OR9Q1: variants seen among roughly 807,000 people sequenced by gnomAD.
The protein encoded by OR9Q1 is olfactory receptor family 9 subfamily Q member 1.
For missense variants in OR9Q1, 374 were observed against 378.8 expected (o/e 0.99, Z 0.11); for synonymous variants, 153 against 148.6 (o/e 1.03, Z -0.22).
At chr11:58,106,673 G>A (rs568663202) in intron 2 of OR9Q1, among the ~76,000 whole-genome samples, 2 of 152,216 alleles carry the variant, frequency 1.3e-5, no homozygotes, top group East Asian at 3.9e-4. Flanking sequence ...ATTTTTGTGT[G>A]TGCATAACGT....
Position 58,118,897 on chromosome 11 carries a change from G to A in OR9Q1, c.-14-60534G>A. 1.9e-6 allele frequency: 3 copies of A among 1,614,034 alleles called. No individual in the cohort carries two copies. In the South Asian group the frequency reaches 3.3e-5, roughly 18 times the overall value. ...GTCACTGCAGGCAAGCTTCAGCAGG[G>A]GTGGGAGGTCACAGAAGAAGAAGTT... On this transcript the variant is annotated intron_variant, in intron 2 of 2. Transcript: ENST00000335397.
chr11:58,113,885 A>G (rs949665739), intron 2 of OR9Q1, among the ~76,000 whole-genome samples: 5 of 152,222 alleles, frequency 3.3e-5, no homozygotes, highest in Admixed American at 1.3e-4. Flanking sequence ...CAAGCATAAT[A>G]TAATTATAGA....
intron 2 of OR9Q1, among the ~76,000 whole-genome samples, chr11:58,105,969 T>G (rs12420385): frequency 0.17 from 26,079 of 152,064 alleles, 2,358 homozygotes; most frequent in Non-Finnish European, 0.21. Context: ...TAAACTCTTT[T>G]GGATATATGT....
intron 2 of OR9Q1, among the ~76,000 whole-genome samples, chr11:58,061,723 T>C (rs139767563): frequency 1.3e-5 from 2 of 152,326 alleles, no homozygotes; most frequent in Non-Finnish European, 2.9e-5. Flanking sequence ...GCAAGGGCTA[T>C]TGCAAAATGC....
At chr11:58,036,526 ATCTGGACAAAGTAAATTCAAAATCT>A (rs1376300045) in intron 1 of OR9Q1, among the ~76,000 whole-genome samples, 6 of 152,188 alleles carry the variant, frequency 3.9e-5, no homozygotes, top group Non-Finnish European at 8.8e-5. Context: ...TCTCTGATGG[ATCTGGACAAAGTAAATTCAAAATCT>A]TCTGGAAAGG....
intron 1 of OR9Q1, among the ~76,000 whole-genome samples, chr11:58,038,057 T>G (rs930385362): frequency 2.0e-5 from 3 of 151,742 alleles, no homozygotes; most frequent in Non-Finnish European, 4.4e-5. Context: ...TGAGATAAAT[T>G]ACATAAAACG....
At chr11:58,120,159 T>C (rs575818696) in intron 2 of OR9Q1, among the ~76,000 whole-genome samples, 4 of 152,284 alleles carry the variant, frequency 2.6e-5, no homozygotes, top group Admixed American at 1.3e-4. Context: ...CTTCAACATA[T>C]TGCATTTTAT....
intron 2 of OR9Q1, among the ~76,000 whole-genome samples, chr11:58,139,615 A>G (rs1355634114): frequency 9.2e-5 from 14 of 152,034 alleles, no homozygotes; most frequent in Non-Finnish European, 1.8e-4. Context: ...ACATGAACTC[A>G]TCATTTTTTA....
intron 1 of OR9Q1, chr11:58,044,032 A>G (rs1414411377): frequency 1.3e-5 from 2 of 152,198 alleles, no homozygotes; most frequent in Non-Finnish European, 2.9e-5. Context: ...TCATTAGGGT[A>G]ATTCTTTTTA....
intron 2 of OR9Q1, among the ~76,000 whole-genome samples, chr11:58,086,205 C>T (rs769267713): frequency 4.6e-5 from 7 of 151,750 alleles, no homozygotes; most frequent in Non-Finnish European, 7.4e-5. Context: ...GACAAAGGAC[C>T]GAAATATACA....
chr11:58,061,513 G>T lies in OR9Q1; in HGVS notation c.-15+5566G>T, dbSNP rs191508420. ...GAAGCTCAGACAGATGACTCAATTTGTCAAGGTCACATAATCAGTAACTAG... is the reference window on the plus strand; with the variant it reads ...GAAGCTCAGACAGATGACTCAATTTTTCAAGGTCACATAATCAGTAACTAG... On this transcript the variant is annotated intron_variant, in intron 2 of 2. Coordinates refer to ENST00000335397, the MANE Select transcript of OR9Q1 (RefSeq NM_001005212.4). Among the ~76,000 whole-genome samples, 72 of 152,326 alleles carry T rather than the reference G, an allele frequency of 4.7e-4. No homozygotes were observed. The East Asian group carries it at 0.012, about 25-fold the overall frequency.
At chr11:58,149,211 G>T (rs1001306904) in intron 2 of OR9Q1, among the ~76,000 whole-genome samples, 2 of 152,036 alleles carry the variant, frequency 1.3e-5, no homozygotes, top group South Asian at 2.1e-4. Flanking sequence ...TGTAAAAATA[G>T]CCTGTTGACA....
intron 2 of OR9Q1, among the ~76,000 whole-genome samples, chr11:58,090,138 T>C (rs1408184536): frequency 6.6e-6 from 1 of 152,186 alleles, no homozygotes. Flanking sequence ...TACCCCTTAT[T>C]TCTTTCTCTT....
rs1392304846 is a variant in OR9Q1, at chr11:58,124,951, G to A, written c.-14-54480G>A. Reference sequence around the variant, plus strand: ...TATTATTTTGTCCTGGAAGAGACTAGGACTCGGAATAGTTAAGTACCTTGT... The same window carrying A: ...TATTATTTTGTCCTGGAAGAGACTAAGACTCGGAATAGTTAAGTACCTTGT... On this transcript the variant is annotated intron_variant, in intron 2 of 2. Coordinates refer to ENST00000335397, the MANE Select transcript of OR9Q1 (RefSeq NM_001005212.4). Among the ~76,000 whole-genome samples the A allele has an allele frequency of 3.3e-5, 5 of 152,054 alleles. No individual in the cohort carries two copies. In the East Asian group the frequency reaches 9.6e-4, roughly 29 times the overall value.
At chr11:58,164,466 G>C (rs1200300828) in intron 2 of OR9Q1, among the ~76,000 whole-genome samples, 1 of 152,154 alleles carries the variant, frequency 6.6e-6, no homozygotes, top group Admixed American at 6.6e-5. Context: ...ATCAGTGAAA[G>C]AGCAGGGGTC....
chr11:58,091,287 A>G (rs1259714880), intron 2 of OR9Q1, among the ~76,000 whole-genome samples: 1 of 152,200 alleles, frequency 6.6e-6, no homozygotes, highest in Non-Finnish European at 1.5e-5. Flanking sequence ...ATTTAGTGCT[A>G]TAAATTCGCT....
At chr11:58,110,564 T>C (rs527672628) in intron 2 of OR9Q1, among the ~76,000 whole-genome samples, 58 of 152,288 alleles carry the variant, frequency 3.8e-4, no homozygotes, top group Non-Finnish European at 1.3e-4. Flanking sequence ...TTGAAATGAA[T>C]TATCTGAGGT....
chr11:58,101,812 T>C (rs1222688321), intron 2 of OR9Q1, among the ~76,000 whole-genome samples: 1 of 152,218 alleles, frequency 6.6e-6, no homozygotes, highest in Non-Finnish European at 1.5e-5. Context: ...AATGGCACAA[T>C]CTCAGCTCAC....
chr11:58,037,323 A>C (rs1853109515), intron 1 of OR9Q1, among the ~76,000 whole-genome samples: 1 of 152,088 alleles, frequency 6.6e-6, no homozygotes, highest in African/African-American at 2.4e-5. Flanking sequence ...GCACTGGGAA[A>C]CTAAAAATTT....
Sources: gnomAD v4.1 joint callset for allele counts (sites outside exome capture counted in the v4.1 genomes callset) on GRCh38, gnomAD v4.1.1 for gene constraint, MANE v1.5 for transcripts, NCBI Gene and HGNC (gene_info 2026-07-23, HGNC 2026-07-21) for gene names.